The following ARMH1 variants were observed in gnomAD, a reference collection of about 807,000 sequenced individuals.
The protein encoded by ARMH1 is armadillo like helical domain containing 1, also known as armadillo-like helical domain containing protein 1.
A neutral mutation model predicts 50.2 loss-of-function variants in ARMH1; 34 were observed. That is an observed-to-expected ratio of 0.68 (90% CI 0.51 to 0.90). The LOEUF (loss-of-function observed/expected upper bound fraction) is 0.90, where lower values mean the gene tolerates loss of function less well. Ranked by LOEUF, ARMH1 falls within the 40% of genes least tolerant of loss-of-function variation. ARMH1 has a pLI of 0.00. For missense variants in ARMH1, 538 were observed against 553.9 expected, an observed-to-expected ratio of 0.97 and a Z score of 0.29; for synonymous variants, 221 against 224.2, an observed-to-expected ratio of 0.99 and a Z score of 0.13.
Position 44,681,310 on chromosome 1 carries a change from T to C in ARMH1, c.-23+6437T>C, listed in dbSNP as rs1270087495. Among the ~76,000 whole-genome samples, 2 of 152,048 alleles carry C rather than the reference T, an allele frequency of 1.3e-5. No individual in the cohort carries two copies. The highest frequency in any genetic ancestry group is 4.8e-5 in the African/African-American group (2 of 41,408). On this transcript the variant is annotated intron_variant, in intron 1 of 11. Transcript: ENST00000535358. The surrounding 1 kb of genome is among the most constrained non-coding windows in gnomAD (Gnocchi z 4.3). ...GCGCCCGGCCGTGAGGCTCCATTTC[T>C]AAAAAATTTTTTTAAGTTAGCCAGG...
At chr1:44,698,252 T>C in intron 4 of ARMH1, 23 bp downstream of exon 4, 1 of 1,540,782 alleles carries the variant, frequency 6.5e-7, no homozygotes, top group Non-Finnish European at 8.8e-7. Flanking sequence ...TGTGACAAGA[T>C]GTGTCTCCCT....
At chr1:44,717,744 A>G (rs565925003) in intron 6 of ARMH1, among the ~76,000 whole-genome samples, 4 of 152,400 alleles carry the variant, frequency 2.6e-5, no homozygotes, top group African/African-American at 9.6e-5. Flanking sequence ...GTGATTGCTC[A>G]GCTTTAGGAC....
At position 44,707,885 on chromosome 1, in the gene ARMH1, T is replaced by C. The variant is rs564400957; in HGVS notation, c.724+3712T>C. On this transcript the variant is annotated intron_variant, in intron 6 of 11. Transcript: ENST00000535358. The stretch of plus-strand genomic sequence containing the variant: ...CTCTGTGACTGCATTTGGTTTGTTA[T>C]AGGATCATGTGATAACAATGAAACT... Among the ~76,000 whole-genome samples the C allele has an allele frequency of 2.4e-4, 37 of 152,360 alleles. No individual in the cohort carries two copies. In the South Asian group the frequency reaches 6.4e-3, roughly 26 times the overall value.
chr1:44,719,721 A>G (rs1316861376), intron 6 of ARMH1, among the ~76,000 whole-genome samples: 2 of 152,194 alleles, frequency 1.3e-5, no homozygotes, highest in Non-Finnish European at 2.9e-5. Flanking sequence ...GTGCTCTGTA[A>G]ATCCACGCAG....
intron 6 of ARMH1, among the ~76,000 whole-genome samples, chr1:44,716,101 G>A (rs1323584480): frequency 6.6e-6 from 1 of 151,914 alleles, no homozygotes; most frequent in African/African-American, 2.4e-5. Flanking sequence ...CTGCTTCTCG[G>A]TCTTTTATAC....
chr1:44,708,725 T>C (rs988078057), intron 6 of ARMH1, among the ~76,000 whole-genome samples: 2 of 152,140 alleles, frequency 1.3e-5, no homozygotes, highest in Non-Finnish European at 2.9e-5. Flanking sequence ...TCACCTCCTT[T>C]TCTATGAAGA....
intron 5 of ARMH1, 108 bp downstream of exon 5, chr1:44,701,227 C>A: frequency 9.3e-7 from 1 of 1,076,044 alleles, no homozygotes; most frequent in Non-Finnish European, 1.3e-6. Flanking sequence ...GCTCAGCCTC[C>A]CACTGCATGT....
intron 3 of ARMH1, among the ~76,000 whole-genome samples, chr1:44,697,439 A>T (rs527391146): frequency 1.3e-5 from 2 of 152,270 alleles, no homozygotes; most frequent in East Asian, 3.9e-4. Context: ...AAGGAAAATT[A>T]GTGGCTCACT....
intron 6 of ARMH1, among the ~76,000 whole-genome samples, chr1:44,714,303 G>A (rs1646752208): frequency 6.6e-6 from 1 of 151,470 alleles, no homozygotes; most frequent in Admixed American, 6.6e-5. Context: ...GAGGGAGCAG[G>A]GGCCAGGCCT....
chr1:44,702,710 C>CAAAAAAA (rs11449439), intron 5 of ARMH1, among the ~76,000 whole-genome samples: 13 of 89,678 alleles, frequency 1.4e-4, no homozygotes, highest in African/African-American at 3.0e-4. Flanking sequence ...GACTCCATCT[C>CAAAAAAA]AAAAAAAAAA....
At chr1:44,703,472 C>T (rs1214039363) in intron 5 of ARMH1, among the ~76,000 whole-genome samples, 1 of 151,606 alleles carries the variant, frequency 6.6e-6, no homozygotes, top group African/African-American at 2.4e-5. Flanking sequence ...CCTGTAATCC[C>T]AGCACTTTGG....
At chr1:44,721,513 T>TA (rs566172951) in intron 6 of ARMH1, among the ~76,000 whole-genome samples, 3,154 of 149,090 alleles carry the variant, frequency 0.021, 66 homozygotes, top group African/African-American at 0.059. Context: ...GGTTTTCTTT[T>TA]AAAAAAAAAA....
intron 6 of ARMH1, among the ~76,000 whole-genome samples, chr1:44,709,498 CCA>C (rs1646494798): frequency 6.6e-6 from 1 of 152,082 alleles, no homozygotes; most frequent in Non-Finnish European, 1.5e-5. Flanking sequence ...CGGTGAAACC[CCA>C]TCTCTACTAA....
chr1:44,699,206 C>T (rs1053037428), intron 4 of ARMH1, among the ~76,000 whole-genome samples: 3 of 150,802 alleles, frequency 2.0e-5, no homozygotes, highest in African/African-American at 7.3e-5. Flanking sequence ...ATCGCTTGAA[C>T]CCGGGAGGTG....
intron 1 of ARMH1, 90 bp from the exon 2 acceptor site, chr1:44,689,586 C>A: frequency 2.0e-6 from 2 of 1,016,144 alleles, no homozygotes; most frequent in African/African-American, 1.6e-5. Context: ...GATAAAGCCA[C>A]ACCCTGCCTG....
intron 1 of ARMH1, among the ~76,000 whole-genome samples, chr1:44,686,964 A>AG (rs1214459518): frequency 6.6e-6 from 1 of 152,144 alleles, no homozygotes; most frequent in East Asian, 1.9e-4. Context: ...AAAAAAAAAA[A>AG]AAAAAATGAA....
At position 44,725,444 on chromosome 1, in the gene ARMH1, AG is replaced by A; in HGVS notation, c.*44del. The A allele has an allele frequency of 1.3e-6, 2 of 1,545,890 alleles. No individual in the cohort carries two copies. The highest frequency in any genetic ancestry group is 4.9e-5 in the East Asian group (2 of 40,902). The stretch of plus-strand genomic sequence containing the variant: ...ACCAGGAAGGCCAAGGCTGCGGGGC[AG>A]GGAAGCCTGGCAAGAGGAAGGCGCC... On this transcript the variant is annotated 3_prime_UTR_variant, in exon 12 of 12. Transcript: ENST00000535358.
At chr1:44,719,855 T>C (rs1029428837) in intron 6 of ARMH1, among the ~76,000 whole-genome samples, 3 of 152,192 alleles carry the variant, frequency 2.0e-5, no homozygotes, top group Admixed American at 6.5e-5. Context: ...TGCCCAGTTC[T>C]GGGGTGGCCA....
chr1:44,696,349 A>G (rs1454610815), intron 2 of ARMH1, among the ~76,000 whole-genome samples: 1 of 152,220 alleles, frequency 6.6e-6, no homozygotes, highest in African/African-American at 2.4e-5. Flanking sequence ...GGAAGCTCTC[A>G]GTCATCCTCC....
Sources: allele counts gnomAD v4.1 joint callset (sites outside exome capture counted in the v4.1 genomes callset), GRCh38; gene constraint gnomAD v4.1.1; non-coding constraint Gnocchi (gnomAD v3.1); transcripts MANE v1.5; gene names NCBI Gene and HGNC (gene_info 2026-07-23, HGNC 2026-07-21).